The following RTTN variants were observed in gnomAD, a reference collection of about 807,000 sequenced individuals.
RTTN encodes rotatin.
Under a neutral mutation model 269.2 loss-of-function variants are expected in RTTN, and 182 were observed. That is an observed-to-expected ratio of 0.68 (90% CI 0.60 to 0.76). The LOEUF (loss-of-function observed/expected upper bound fraction) is 0.76, where lower values mean the gene tolerates loss of function less well. RTTN is among the 30% of genes least tolerant of loss of function. The pLI is 0.00. For missense variants in RTTN, 2,545 were observed against 2,608.6 expected, an observed-to-expected ratio of 0.98 and a Z score of 0.53; for synonymous variants, 1,006 against 963.5, an observed-to-expected ratio of 1.04 and a Z score of -0.82.
At chr18:70,149,540 TTA>T (rs1568465809) in intron 16 of RTTN, among the ~76,000 whole-genome samples, 1 of 145,382 alleles carries the variant, frequency 6.9e-6, no homozygotes, top group African/African-American at 2.5e-5. Context: ...GATTGCTTTT[TTA>T]AAAAAAAAAA....
chr18:70,038,808 A>G (rs879716872), intron 40 of RTTN, among the ~76,000 whole-genome samples: 42 of 152,216 alleles, frequency 2.8e-4, no homozygotes, highest in Non-Finnish European at 4.0e-4. Context: ...TTGCTGTGGT[A>G]GGGGAGCTCA....
chr18:70,074,073 G>A lies in RTTN; in HGVS notation c.4565-79C>T, dbSNP rs1369293. On this transcript the variant is annotated intron_variant, in intron 33 of 48. Transcript: ENST00000640769. ...TTAATTAAAAGGGTACGCATTACAG[G>A]AAACCAATTCAAAACTAAAGAAAGG... The A allele has an allele frequency of 0.92, 867,382 of 939,404 alleles. 408,979 individuals carry two copies. The highest frequency in any genetic ancestry group is 1 in the East Asian group (38,541 of 38,556). The allele number at this position is 939,404 out of a possible 1,614,324, so 58.2% of individuals were successfully genotyped here.
intron 26 of RTTN, among the ~76,000 whole-genome samples, chr18:70,119,065 C>T (rs2059670764): frequency 6.6e-6 from 1 of 151,950 alleles, no homozygotes; most frequent in Non-Finnish European, 1.5e-5. Context: ...CAATATGGTA[C>T]TGGAAATCCT....
In RTTN at chr18:70,191,778, G is replaced by A. The variant is rs76838578; in HGVS notation, c.1008-1059C>T. ...GCCCAAATTATAAACCAACTTTGTC[G>A]TTTCTTCAATTTCAAGATACCAAGC... On this transcript the variant is annotated intron_variant, in intron 8 of 48. Coordinates refer to ENST00000640769, the MANE Select transcript of RTTN (RefSeq NM_173630.4). Among the ~76,000 whole-genome samples the A allele has an allele frequency of 5.9e-3, 901 of 152,190 alleles. 16 individuals are homozygous for A. The highest frequency in any genetic ancestry group is 0.028 in the Admixed American group (433 of 15,272).
rs2059923134 is a variant in RTTN, at chr18:70,128,535, G to A, written c.2966C>T (p.Pro989Leu). ...AGCATGGTGTCCAATTACATGAACAGGTAGATGGTACCTAAAGAAAATGTG... is the reference window on the plus strand; with the variant it reads ...AGCATGGTGTCCAATTACATGAACAAGTAGATGGTACCTAAAGAAAATGTG... ...PVSVFRRYHL[P>L]VHVIGHHAVS... is the part of the protein sequence containing the mutation. Residue 989 changes from proline (P) to leucine (L), a missense_variant, in exon 24 of 49, where the codon CCT (proline) becomes CTT (leucine). Coordinates refer to ENST00000640769, the MANE Select transcript of RTTN (RefSeq NM_173630.4). 4 of 1,611,796 alleles carry A rather than the reference G, an allele frequency of 2.5e-6. No homozygotes were observed. The highest frequency in any genetic ancestry group is 3.4e-6 in the Non-Finnish European group (4 of 1,178,692).
chr18:70,178,817 T>C (rs2061359102), intron 10 of RTTN, among the ~76,000 whole-genome samples: 1 of 152,168 alleles, frequency 6.6e-6, no homozygotes, highest in African/African-American at 2.4e-5. Flanking sequence ...CAAAATAAAT[T>C]AGAGTAATTT....
chr18:70,178,023 G>A (rs2061343005), intron 10 of RTTN, among the ~76,000 whole-genome samples: 1 of 152,140 alleles, frequency 6.6e-6, no homozygotes, highest in Non-Finnish European at 1.5e-5. Context: ...GCCAAAAGGT[G>A]GAAACAATGA....
chr18:70,122,292 T>C (rs2059758800), intron 25 of RTTN, among the ~76,000 whole-genome samples: 1 of 152,018 alleles, frequency 6.6e-6, no homozygotes, highest in South Asian at 2.1e-4. Flanking sequence ...GCTAAAAGAT[T>C]AGTAGACAAT....
chr18:70,120,862 C>A (rs2059717894), intron 26 of RTTN, among the ~76,000 whole-genome samples: 1 of 151,972 alleles, frequency 6.6e-6, no homozygotes, highest in Non-Finnish European at 1.5e-5. Flanking sequence ...ACGAGCCTGG[C>A]CAACATGGTG....
intron 14 of RTTN, among the ~76,000 whole-genome samples, chr18:70,161,402 A>ACCAT (rs1051542395): frequency 1.3e-5 from 2 of 152,176 alleles, no homozygotes; most frequent in Admixed American, 6.5e-5. Context: ...CCTAGGAAAT[A>ACCAT]CCATTCTGGA....
intron 46 of RTTN, among the ~76,000 whole-genome samples, chr18:70,015,089 T>C (rs1189906821): frequency 6.6e-6 from 1 of 151,960 alleles, no homozygotes; most frequent in Non-Finnish European, 1.5e-5. Flanking sequence ...GATCTTTTTT[T>C]TTTTTTGGAG....
intron 26 of RTTN, among the ~76,000 whole-genome samples, chr18:70,116,316 A>C (rs1357976767): frequency 6.6e-6 from 1 of 152,062 alleles, no homozygotes; most frequent in East Asian, 1.9e-4. Flanking sequence ...AGCTACTATT[A>C]ATACATGAAT....
intron 30 of RTTN, among the ~76,000 whole-genome samples, chr18:70,090,200 C>A (rs1457614002): frequency 6.6e-6 from 1 of 152,150 alleles, no homozygotes; most frequent in Non-Finnish European, 1.5e-5. Context: ...CAAATATGTG[C>A]TACAGTGGTC....
chr18:70,074,397 T>C (rs1209751120), intron 33 of RTTN, among the ~76,000 whole-genome samples: 3 of 152,112 alleles, frequency 2.0e-5, no homozygotes, highest in Non-Finnish European at 1.5e-5. Flanking sequence ...ATTTAAAATG[T>C]TCAAAACTTC....
chr18:70,190,711 C>G lies in RTTN; in HGVS notation c.1016G>C (p.Ser339Thr), dbSNP rs766505815. The G allele has an allele frequency of 1.3e-6, 2 of 1,598,646 alleles. No individual in the cohort carries two copies. Among genetic ancestry groups the G allele is most frequent in the African/African-American group, 2.7e-5 (2 of 74,720 alleles). Residue 339 changes from serine (S) to threonine (T), a missense_variant, in exon 9 of 49, where the codon AGT (serine) becomes ACT (threonine). Physicochemically the swap from Ser to Thr is moderately conservative, Grantham distance 58 (BLOSUM62 1). Coordinates refer to ENST00000640769, the MANE Select transcript of RTTN (RefSeq NM_173630.4). Reference protein sequence around the residue: ...DWDAASSSGSSSHAHVNSRIS... With the variant: ...DWDAASSSGSTSHAHVNSRIS... ...CCTGGAGTTTACATGAGCATGACTA[C>G]TACTTCCACTGCAAGATAAACAAAT... is the stretch of plus-strand genomic sequence containing the variant.
intron 29 of RTTN, among the ~76,000 whole-genome samples, 156 bp from the exon 30 acceptor site, chr18:70,092,376 ATTTG>A (rs1200833329): frequency 6.6e-6 from 1 of 152,238 alleles, no homozygotes; most frequent in Admixed American, 6.5e-5. Flanking sequence ...AAACAAAAAA[ATTTG>A]TTTCTCTTTA....
At position 70,086,673 on chromosome 18, in the gene RTTN, A is replaced by G; in HGVS notation, c.4314T>C (p.Ile1438=). The G allele has an allele frequency of 6.7e-7, 1 of 1,490,438 alleles. No individual in the cohort carries two copies. Among genetic ancestry groups the G allele is most frequent in the South Asian group, 1.2e-5 (1 of 82,582 alleles). 92.3% of individuals were successfully genotyped at this position (1,490,438 alleles called of 1,614,324 possible). ...TTGGAATTACAAGGAGATTCTGAAGAATAAATGCCGCCTGAAAATGTAAAA... is the reference window on the plus strand; with the variant it reads ...TTGGAATTACAAGGAGATTCTGAAGGATAAATGCCGCCTGAAAATGTAAAA... ...CSMVRREAAF[I]LQNLLVIPMP... The change falls in exon 32 of 49, where the codon ATT becomes ATC. Residue 1438 remains isoleucine (I), a synonymous_variant. Coordinates refer to ENST00000640769, the MANE Select transcript of RTTN (RefSeq NM_173630.4).
Position 70,100,090 on chromosome 18 carries a change from A to C in RTTN, c.3904-7286T>G, listed in dbSNP as rs1414322610. ...TCTTTTTTATTTCCATTTGAACTTTAAAGTAGTTTTTTCCAATTCTGTGAA... is the reference window on the plus strand; with the variant it reads ...TCTTTTTTATTTCCATTTGAACTTTCAAGTAGTTTTTTCCAATTCTGTGAA... On this transcript the variant is annotated intron_variant, in intron 28 of 48. Transcript: ENST00000640769. Among the ~76,000 whole-genome samples, 5 of 152,308 alleles carry C rather than the reference A, an allele frequency of 3.3e-5. 1 individual carries two copies. The South Asian group carries it at 1.0e-3, about 32-fold the overall frequency.
At chr18:70,146,226 T>A (rs1473931348) in intron 17 of RTTN, among the ~76,000 whole-genome samples, 1 of 152,184 alleles carries the variant, frequency 6.6e-6, no homozygotes, top group Non-Finnish European at 1.5e-5. Context: ...CTACAATGTA[T>A]CAAAATCTTC....
Sources: allele counts gnomAD v4.1 joint callset (sites outside exome capture counted in the v4.1 genomes callset), GRCh38; gene constraint gnomAD v4.1.1; transcripts MANE v1.5; gene names NCBI Gene and HGNC (gene_info 2026-07-23, HGNC 2026-07-21).